Variants in CSMD1 observed in about 807,000 individuals in gnomAD.
CSMD1 encodes the protein CUB and Sushi multiple domains 1.
Under a neutral mutation model 417.5 loss-of-function variants are expected in CSMD1, and 213 were observed. The observed-to-expected ratio is 0.51, with a 90% CI of 0.46 to 0.57. The LOEUF (loss-of-function observed/expected upper bound fraction) is 0.57, where lower values mean the gene tolerates loss of function less well. CSMD1 is among the 20% of genes least tolerant of loss of function. The pLI is 0.00. For synonymous variants in CSMD1, 2,862 were observed against 1,736.8 expected, an observed-to-expected ratio of 1.65 and a Z score of -16.11; for missense variants, 6,923 against 4,529.7, an observed-to-expected ratio of 1.53 and a Z score of -15.17.
intron 5 of CSMD1, among the ~76,000 whole-genome samples, chr8:3,885,779 G>C (rs1429170959): frequency 6.6e-6 from 1 of 152,162 alleles, no homozygotes; most frequent in East Asian, 1.9e-4. Context: ...GTTTATTTAT[G>C]ACAGAAAGCT....
In CSMD1 at chr8:3,101,284, A is replaced by T. The variant is rs527994654; in HGVS notation, c.6950-4247T>A. 2.6e-5 allele frequency among the ~76,000 whole-genome samples: 4 copies of T among 152,146 alleles called. 1 individual carries two copies. The highest frequency in any genetic ancestry group is 5.9e-5 in the Non-Finnish European group (4 of 68,016). ...ACGCCACACCCTCCTTTGTGTTTCC[A>T]AACCTTTGTTATTAATTCTCTTCAC... On this transcript the variant is annotated intron_variant, in intron 46 of 69. Coordinates refer to ENST00000635120, the MANE Select transcript of CSMD1 (RefSeq NM_033225.6).
chr8:3,871,660 A>T (rs1322805147), intron 5 of CSMD1, among the ~76,000 whole-genome samples: 3 of 152,166 alleles, frequency 2.0e-5, no homozygotes, highest in African/African-American at 4.8e-5. Flanking sequence ...CTCAACCTTT[A>T]ATCTTTTCAT....
At chr8:3,873,108 GT>G (rs1805591545) in intron 5 of CSMD1, among the ~76,000 whole-genome samples, 1 of 152,074 alleles carries the variant, frequency 6.6e-6, no homozygotes, top group African/African-American at 2.4e-5. Flanking sequence ...CTTGGTGGGA[GT>G]GTAAATTAGT....
intron 3 of CSMD1, among the ~76,000 whole-genome samples, chr8:4,179,208 T>A (rs1283762232): frequency 2.0e-5 from 3 of 152,244 alleles, no homozygotes; most frequent in East Asian, 1.9e-4. Flanking sequence ...CAAAACAGCA[T>A]GGTACTGGTA....
At chr8:4,103,632 A>T (rs1010178782) in intron 3 of CSMD1, among the ~76,000 whole-genome samples, 4 of 152,140 alleles carry the variant, frequency 2.6e-5, no homozygotes, top group African/African-American at 9.7e-5. Flanking sequence ...AGTCTTAAGG[A>T]TCTTTAAATC....
At chr8:3,444,783 T>G (rs1815199343) in intron 12 of CSMD1, among the ~76,000 whole-genome samples, 1 of 152,214 alleles carries the variant, frequency 6.6e-6, no homozygotes, top group South Asian at 2.1e-4. Flanking sequence ...CTATCAACTT[T>G]GCCACCAGAC....
chr8:4,022,736 G>T (rs1796852625), intron 4 of CSMD1, among the ~76,000 whole-genome samples: 1 of 152,140 alleles, frequency 6.6e-6, no homozygotes, highest in African/African-American at 2.4e-5. Context: ...CTCACTGGAT[G>T]AACAGACAAC....
intron 25 of CSMD1, among the ~76,000 whole-genome samples, chr8:3,293,463 C>T (rs184659140): frequency 6.6e-6 from 1 of 152,290 alleles, no homozygotes; most frequent in Admixed American, 6.5e-5. Context: ...TTAGGTACAC[C>T]AATCAGACGT....
chr8:4,143,196 G>A lies in CSMD1; in HGVS notation c.416-111097C>T, dbSNP rs561179497. 1.2e-4 allele frequency among the ~76,000 whole-genome samples: 18 copies of A among 151,100 alleles called. 1 individual carries two copies. The highest frequency in any genetic ancestry group is 1.6e-4 in the Non-Finnish European group (11 of 68,022). ...TTCAAAACAGGTAAGTGCTGAGAATGTTTCCCTGTCCACAGAACGGTGTGG... is the reference window on the plus strand; with the variant it reads ...TTCAAAACAGGTAAGTGCTGAGAATATTTCCCTGTCCACAGAACGGTGTGG... On this transcript the variant is annotated intron_variant, in intron 3 of 69. Coordinates refer to ENST00000635120, the MANE Select transcript of CSMD1 (RefSeq NM_033225.6).
At chr8:4,018,585 C>T (rs560681257) in intron 4 of CSMD1, among the ~76,000 whole-genome samples, 1 of 152,240 alleles carries the variant, frequency 6.6e-6, no homozygotes, top group Non-Finnish European at 1.5e-5. Flanking sequence ...TCCAGGCAAC[C>T]AGCACCCCCT....
chr8:3,982,697 A>C (rs929288867), intron 5 of CSMD1, among the ~76,000 whole-genome samples: 1 of 152,014 alleles, frequency 6.6e-6, no homozygotes. Context: ...AAGCCTCATA[A>C]GATCAGGAGG....
chr8:4,279,889 T>C (rs895160648), intron 3 of CSMD1, among the ~76,000 whole-genome samples: 3 of 152,178 alleles, frequency 2.0e-5, no homozygotes, highest in African/African-American at 7.2e-5. Flanking sequence ...GCCAACTGCG[T>C]CAAAAGCTTG....
intron 5 of CSMD1, among the ~76,000 whole-genome samples, chr8:3,909,394 A>G (rs1234763591): frequency 5.3e-5 from 8 of 152,144 alleles, no homozygotes; most frequent in Admixed American, 5.2e-4. Context: ...CCAAATCTAC[A>G]GGAAAAATGA....
At chr8:3,519,982 T>G (rs980897921) in intron 10 of CSMD1, among the ~76,000 whole-genome samples, 1 of 148,220 alleles carries the variant, frequency 6.7e-6, no homozygotes, top group African/African-American at 2.6e-5. Context: ...TAAAACTTCT[T>G]TATCTGTGTG....
At chr8:4,515,945 G>A (rs1453291237) in intron 2 of CSMD1, among the ~76,000 whole-genome samples, 1 of 152,156 alleles carries the variant, frequency 6.6e-6, no homozygotes, top group Admixed American at 6.5e-5. Flanking sequence ...GAGCCTGCCT[G>A]CTTTGCATAC....
chr8:4,624,183 T>G (rs888670285), intron 2 of CSMD1, among the ~76,000 whole-genome samples: 1 of 152,114 alleles, frequency 6.6e-6, no homozygotes, highest in Non-Finnish European at 1.5e-5. Flanking sequence ...AATCAACTAC[T>G]GTTCCAAGAA....
intron 2 of CSMD1, among the ~76,000 whole-genome samples, chr8:4,501,054 A>G (rs1279310795): frequency 6.6e-6 from 1 of 152,144 alleles, no homozygotes; most frequent in Non-Finnish European, 1.5e-5. Context: ...CATCTGAGAC[A>G]GTGGGCCAAA....
chr8:3,465,988 A>G (rs759136804), intron 12 of CSMD1, among the ~76,000 whole-genome samples: 9 of 152,148 alleles, frequency 5.9e-5, no homozygotes, highest in Non-Finnish European at 1.2e-4. Flanking sequence ...AATTCATCTA[A>G]ACACCCCTCA....
At chr8:4,392,458 T>C (rs986693502) in intron 3 of CSMD1, among the ~76,000 whole-genome samples, 2 of 152,058 alleles carry the variant, frequency 1.3e-5, no homozygotes, top group African/African-American at 2.4e-5. Flanking sequence ...AAAAGAATTA[T>C]CAGTCCATTG....
Sources: gnomAD v4.1 joint callset for allele counts (sites outside exome capture counted in the v4.1 genomes callset) on GRCh38, gnomAD v4.1.1 for gene constraint, MANE v1.5 for transcripts, NCBI Gene and HGNC (gene_info 2026-07-23, HGNC 2026-07-21) for gene names.